Variants in PLEKHG1 observed in about 807,000 individuals in gnomAD.
The protein encoded by PLEKHG1 is pleckstrin homology domain-containing family G member 1.
A neutral mutation model predicts 100.8 loss-of-function variants in PLEKHG1; 44 were observed. The observed-to-expected ratio is 0.44, with a 90% CI of 0.34 to 0.56. The LOEUF is 0.56. PLEKHG1 is among the 20% of genes least tolerant of loss of function. The pLI, the probability that PLEKHG1 is intolerant of heterozygous loss-of-function variation, is 0.01. For synonymous variants in PLEKHG1, 640 were observed against 662.5 expected (o/e 0.97, Z 0.52); for missense variants, 1,545 against 1,720.9 (o/e 0.90, Z 1.81).
chr6:150,828,653 G>C (rs1306005707), intron 14 of PLEKHG1, among the ~76,000 whole-genome samples: 1 of 151,248 alleles, frequency 6.6e-6, no homozygotes, highest in Non-Finnish European at 1.5e-5. Context: ...TAACAATTCA[G>C]GTTTCCTAAT....
intron 3 of PLEKHG1, among the ~76,000 whole-genome samples, chr6:150,695,175 A>G (rs1650333554): frequency 6.6e-6 from 1 of 152,220 alleles, no homozygotes; most frequent in Non-Finnish European, 1.5e-5. Flanking sequence ...TCCAAAGAAC[A>G]ATATTTGTCC....
At chr6:150,811,759 C>T (rs1171221190) in intron 10 of PLEKHG1, among the ~76,000 whole-genome samples, 1 of 151,972 alleles carries the variant, frequency 6.6e-6, no homozygotes, top group Admixed American at 6.6e-5. Context: ...AGGGCAGGAG[C>T]CCCTGGAGGG....
chr6:150,816,396 G>T (rs1000918792), intron 10 of PLEKHG1, among the ~76,000 whole-genome samples: 6 of 130,782 alleles, frequency 4.6e-5, no homozygotes, highest in Admixed American at 1.8e-4. Context: ...CTGGAGTGCA[G>T]TGGTGCTGCA....
intron 1 of PLEKHG1, among the ~76,000 whole-genome samples, chr6:150,619,029 G>C (rs747007650): frequency 6.6e-6 from 1 of 152,136 alleles, no homozygotes. Context: ...GCTGTGGTTA[G>C]CTGTGATTGC....
chr6:150,738,841 T>C (rs559421706), intron 2 of PLEKHG1, among the ~76,000 whole-genome samples: 36 of 152,336 alleles, frequency 2.4e-4, no homozygotes, highest in Non-Finnish European at 4.4e-4. Context: ...TTCTATTTTA[T>C]ATATGCCCCT....
chr6:150,774,531 A>ATTTTTTTTT (rs61521577), intron 3 of PLEKHG1, among the ~76,000 whole-genome samples: 2 of 87,112 alleles, frequency 2.3e-5, no homozygotes, highest in Admixed American at 1.4e-4. Context: ...ATTAGTTTGA[A>ATTTTTTTTT]TTTTTTTTTT....
In PLEKHG1 at chr6:150,749,830, T is replaced by G. The variant is rs149084609; in HGVS notation, c.411+15738T>G. Among the ~76,000 whole-genome samples the G allele has an allele frequency of 7.2e-3, 1,091 of 152,244 alleles. 5 individuals carry two copies. The highest frequency in any genetic ancestry group is 0.01 in the Non-Finnish European group (690 of 68,018). Reference sequence around the variant, plus strand: ...GGCTCATGCCTGTAATCCCAGCACTTTGGGAGGCCAGGGTGGGTGGATCAC... The same window carrying G: ...GGCTCATGCCTGTAATCCCAGCACTGTGGGAGGCCAGGGTGGGTGGATCAC... On this transcript the variant is annotated intron_variant, in intron 2 of 15. Coordinates refer to ENST00000358517, the Ensembl canonical transcript of PLEKHG1.
intron 3 of PLEKHG1, among the ~76,000 whole-genome samples, chr6:150,781,873 G>A (rs918833825): frequency 1.3e-5 from 2 of 150,908 alleles, no homozygotes; most frequent in African/African-American, 4.9e-5. Context: ...CCGGGTTCAC[G>A]CCATTCTCCT....
intron 2 of PLEKHG1, among the ~76,000 whole-genome samples, chr6:150,647,108 T>G (rs1778533746): frequency 6.6e-6 from 1 of 152,240 alleles, no homozygotes; most frequent in African/African-American, 2.4e-5. Flanking sequence ...GGGAAAATTT[T>G]TATGCTTTGG....
chr6:150,636,090 A>G lies in PLEKHG1; in HGVS notation c.-203-1990A>G, dbSNP rs143363268. Among the ~76,000 whole-genome samples the G allele has an allele frequency of 1.1e-3, 170 of 152,302 alleles. No individual in the cohort carries two copies. The East Asian group carries it at 0.026, about 24-fold the overall frequency. On this transcript the variant is annotated intron_variant, in intron 1 of 3. Coordinates refer to the PLEKHG1 transcript ENST00000367326. ...CAGATAAGTTAATGGCTTCCTGTGCAAATAACTGTGGAGTCAGCATACCTA... is the reference window on the plus strand; with the variant it reads ...CAGATAAGTTAATGGCTTCCTGTGCGAATAACTGTGGAGTCAGCATACCTA...
chr6:150,734,190 A>G (rs1782446454), intron 2 of PLEKHG1, 98 bp downstream of exon 3: 2 of 1,188,048 alleles, frequency 1.7e-6, no homozygotes, highest in African/African-American at 1.5e-5. Flanking sequence ...GTCTTCTAAG[A>G]GGCGGAAGGG....
At chr6:150,806,396 A>T (rs902083442) in intron 7 of PLEKHG1, among the ~76,000 whole-genome samples, 1 of 152,040 alleles carries the variant, frequency 6.6e-6, no homozygotes, top group African/African-American at 2.4e-5. Context: ...GAAAATTTTT[A>T]AATGAGGGCC....
In PLEKHG1 at chr6:150,831,028, G is replaced by A. The variant is rs754917594; in HGVS notation, c.1917G>A (p.Gly639=). The change falls in exon 15 of 16, where the codon GGG becomes GGA. Residue 639 remains glycine, a synonymous_variant. Transcript: ENST00000358517. The surrounding 1 kb of genome is among the most constrained non-coding windows in gnomAD (Gnocchi z 4.1). ...TGCAGAACAGCCCCAAAACAGAAGGGCAGGAGGAGATGACTCCCTTTGGGT... is the reference window on the plus strand; with the variant it reads ...TGCAGAACAGCCCCAAAACAGAAGGACAGGAGGAGATGACTCCCTTTGGGT... 6.2e-7 allele frequency: 1 copy of A among 1,614,024 alleles called. No homozygotes were observed.
chr6:150,612,019 A>C (rs894200325), intron 1 of PLEKHG1, among the ~76,000 whole-genome samples: 2 of 145,588 alleles, frequency 1.4e-5, no homozygotes, highest in Admixed American at 6.9e-5. Context: ...CTATTTCCAG[A>C]CCTACTTTCA....
intron 1 of PLEKHG1, among the ~76,000 whole-genome samples, chr6:150,619,040 A>G (rs2128556300): frequency 6.6e-6 from 1 of 152,256 alleles, no homozygotes; most frequent in South Asian, 2.1e-4. Context: ...CTGTGATTGC[A>G]CCACGCACTC....
intron 1 of PLEKHG1, among the ~76,000 whole-genome samples, chr6:150,730,016 T>A (rs1025411065): frequency 3.1e-4 from 47 of 152,188 alleles, no homozygotes; most frequent in African/African-American, 1.1e-3. Flanking sequence ...ATATTGGGTA[T>A]CTAATATAAA....
intron 5 of PLEKHG1, among the ~76,000 whole-genome samples, chr6:150,798,687 G>A (rs1363265464): frequency 1.3e-5 from 2 of 152,166 alleles, no homozygotes; most frequent in Non-Finnish European, 2.9e-5. Context: ...AATTAACACA[G>A]GACAAACTCA....
chr6:150,629,256 T>C (rs1270740957), intron 1 of PLEKHG1, among the ~76,000 whole-genome samples: 1 of 152,206 alleles, frequency 6.6e-6, no homozygotes, highest in Non-Finnish European at 1.5e-5. Flanking sequence ...ATTTTTCGGA[T>C]ATACCCTAAA....
intron 6 of PLEKHG1, among the ~76,000 whole-genome samples, chr6:150,803,947 G>A (rs1400472447): frequency 1.3e-5 from 2 of 151,504 alleles, no homozygotes; most frequent in Admixed American, 6.6e-5. Flanking sequence ...AGCTATAAGA[G>A]CAATTTCCAC....
Sources: gnomAD v4.1 joint callset for allele counts (sites outside exome capture counted in the v4.1 genomes callset) on GRCh38, gnomAD v4.1.1 for gene constraint, Gnocchi (gnomAD v3.1) non-coding constraint, MANE v1.5 for transcripts, NCBI Gene and HGNC (gene_info 2026-07-23, HGNC 2026-07-21) for gene names.